Variants in EBF2 observed in about 807,000 individuals in gnomAD.
EBF2 encodes transcription factor COE2.
EBF2 carries 21 observed loss-of-function variants against 72.8 expected under a neutral mutation model. The observed-to-expected ratio is 0.29, with a 90% CI of 0.20 to 0.42. EBF2 has a LOEUF of 0.42. Among genes scored for constraint, EBF2 ranks in the 10% least tolerant of loss-of-function variants. The probability of loss-of-function intolerance (pLI) is 1.00; values close to 1 mark genes in which losing one functional copy is unlikely to be tolerated. For missense variants in EBF2, 637 were observed against 731.2 expected (o/e 0.87, Z 1.49); for synonymous variants, 299 against 274.2 (o/e 1.09, Z -0.89).
chr8:25,971,730 T>C (rs1481522828), intron 6 of EBF2, among the ~76,000 whole-genome samples: 2 of 152,216 alleles, frequency 1.3e-5, no homozygotes, highest in Non-Finnish European at 2.9e-5. Context: ...TACACCTTTT[T>C]GTGTTTTTTT....
intron 10 of EBF2, among the ~76,000 whole-genome samples, chr8:25,865,430 A>G (rs1170430098): frequency 6.6e-6 from 1 of 152,106 alleles, no homozygotes; most frequent in South Asian, 2.1e-4. Flanking sequence ...TATGGCATAC[A>G]GATGAAGACA....
intron 6 of EBF2, among the ~76,000 whole-genome samples, chr8:26,029,454 G>A (rs951862049): frequency 1.3e-5 from 2 of 152,158 alleles, no homozygotes; most frequent in Admixed American, 6.5e-5. Flanking sequence ...TTTGTCCATA[G>A]CAGTTTGGAA....
At chr8:25,886,710 G>A in intron 10 of EBF2, 45 bp downstream of exon 10, 1 of 1,578,846 alleles carries the variant, frequency 6.3e-7, no homozygotes. Flanking sequence ...CTAGCGCAAA[G>A]GCAAACCAGA....
intron 10 of EBF2, among the ~76,000 whole-genome samples, chr8:25,870,883 G>A (rs1410262096): frequency 1.3e-5 from 2 of 152,156 alleles, no homozygotes; most frequent in East Asian, 3.9e-4. Flanking sequence ...GCATCCAAGT[G>A]AGAGAGAGGA....
At chr8:25,930,620 G>A (rs922403585) in intron 6 of EBF2, among the ~76,000 whole-genome samples, 4 of 152,120 alleles carry the variant, frequency 2.6e-5, no homozygotes, top group Non-Finnish European at 5.9e-5. Context: ...AAATCCACTC[G>A]GCTTGACAGC....
At position 26,025,698 on chromosome 8, in the gene EBF2, A is replaced by T. The variant is rs143294889; in HGVS notation, c.551+7387T>A. On this transcript the variant is annotated intron_variant, in intron 6 of 15. Transcript: ENST00000520164. ...TCAATCCATAGGGACACTTTTTCCC[A>T]GCTACAGAGTCCTTTATCTTACCTG... Among the ~76,000 whole-genome samples the T allele has an allele frequency of 2.5e-4, 38 of 152,282 alleles. No homozygotes were observed. The East Asian group carries it at 5.6e-3, about 22-fold the overall frequency.
intron 6 of EBF2, among the ~76,000 whole-genome samples, chr8:25,917,766 C>G (rs73677428): frequency 2.0e-5 from 3 of 152,152 alleles, no homozygotes; most frequent in Non-Finnish European, 4.4e-5. Flanking sequence ...TTCCCCTCCC[C>G]CTCCCATTCT....
chr8:25,964,966 T>C (rs1585210070), intron 6 of EBF2, among the ~76,000 whole-genome samples: 1 of 152,180 alleles, frequency 6.6e-6, no homozygotes, highest in Non-Finnish European at 1.5e-5. Context: ...CTGATTTCTG[T>C]AGTGAGGTCA....
At chr8:25,940,827 G>A (rs1361294986) in intron 6 of EBF2, among the ~76,000 whole-genome samples, 1 of 152,042 alleles carries the variant, frequency 6.6e-6, no homozygotes. Context: ...TGTGCCTCTT[G>A]AGGGAAGGCA....
chr8:26,004,922 G>A (rs956074545), intron 6 of EBF2, among the ~76,000 whole-genome samples: 1 of 151,580 alleles, frequency 6.6e-6, no homozygotes, highest in Non-Finnish European at 1.5e-5. Context: ...CTAAAGAATA[G>A]AACAGAATTA....
chr8:25,872,859 G>A (rs1802463359), intron 10 of EBF2, among the ~76,000 whole-genome samples: 1 of 152,218 alleles, frequency 6.6e-6, no homozygotes, highest in Admixed American at 6.5e-5. Flanking sequence ...GACAGCGTAG[G>A]AAGGCATGAA....
At chr8:25,999,822 C>T (rs907431764) in intron 6 of EBF2, among the ~76,000 whole-genome samples, 1 of 152,054 alleles carries the variant, frequency 6.6e-6, no homozygotes, top group East Asian at 1.9e-4. Context: ...ATTTCCTCAT[C>T]GTTTTCTTTG....
intron 6 of EBF2, among the ~76,000 whole-genome samples, chr8:26,013,569 T>C (rs747873675): frequency 6.6e-6 from 1 of 152,126 alleles, no homozygotes; most frequent in African/African-American, 2.4e-5. Flanking sequence ...GCATCCCAAC[T>C]CAGTACTTGG....
chr8:25,887,002 A>AG, intron 9 of EBF2, 121 bp from the exon 10 acceptor site: 5 of 1,065,962 alleles, frequency 4.7e-6, no homozygotes, highest in African/African-American at 1.6e-5. Context: ...GCTCTACTCT[A>AG]ACTGGAGTAC....
intron 14 of EBF2, among the ~76,000 whole-genome samples, chr8:25,853,091 C>CTAAG (rs1383291453): frequency 6.6e-6 from 1 of 152,080 alleles, no homozygotes; most frequent in Non-Finnish European, 1.5e-5. Flanking sequence ...CATTTGAAGA[C>CTAAG]TAAGTTTAGA....
intron 6 of EBF2, among the ~76,000 whole-genome samples, chr8:25,965,123 A>T (rs1804094132): frequency 6.6e-6 from 1 of 152,188 alleles, no homozygotes; most frequent in Non-Finnish European, 1.5e-5. Context: ...CATAGCAGAT[A>T]TTAAATTGTT....
chr8:25,973,771 G>A (rs1804226176), intron 6 of EBF2, among the ~76,000 whole-genome samples: 1 of 152,086 alleles, frequency 6.6e-6, no homozygotes. Context: ...CACCTCCTGG[G>A]CTCAAACGAT....
intron 6 of EBF2, among the ~76,000 whole-genome samples, chr8:25,953,016 G>A (rs773600690): frequency 2.0e-5 from 3 of 152,200 alleles, no homozygotes; most frequent in Admixed American, 2.0e-4. Context: ...AAACTTCACA[G>A]AGACCATTTG....
intron 6 of EBF2, among the ~76,000 whole-genome samples, chr8:25,975,730 TA>T: frequency 6.6e-6 from 1 of 152,296 alleles, no homozygotes; most frequent in South Asian, 2.1e-4. Context: ...AGCAACATTT[TA>T]AAAAGTTTTA....
Sources: gnomAD v4.1 joint callset for allele counts (sites outside exome capture counted in the v4.1 genomes callset) on GRCh38, gnomAD v4.1.1 for gene constraint, MANE v1.5 for transcripts, NCBI Gene and HGNC (gene_info 2026-07-23, HGNC 2026-07-21) for gene names.